SLC25A13: variants seen among roughly 807,000 people sequenced by gnomAD.
SLC25A13 encodes the protein solute carrier family 25 member 13, also known as electrogenic aspartate/glutamate antiporter SLC25A13, mitochondrial.
In SLC25A13, 70 loss-of-function variants were observed where a neutral mutation model predicts 85.5. That is an observed-to-expected ratio of 0.82 (90% CI 0.68 to 1.00). SLC25A13 has a LOEUF of 1.00. Ranked by LOEUF, SLC25A13 falls within the 50% of genes least tolerant of loss-of-function variation. The pLI is 0.00. For synonymous variants in SLC25A13, 259 were observed against 288.7 expected (o/e 0.90, Z 1.04); for missense variants, 765 against 819.8 (o/e 0.93, Z 0.82).
At chr7:96,307,074 G>C (rs183292903) in intron 1 of SLC25A13, among the ~76,000 whole-genome samples, 252 of 152,044 alleles carry the variant, frequency 1.7e-3, no homozygotes, top group Non-Finnish European at 3.0e-3. Flanking sequence ...TGGGGTGAGG[G>C]GGTTAGCCCT....
chr7:96,141,866 C>T (rs76703634), intron 14 of SLC25A13, among the ~76,000 whole-genome samples: 167 of 152,304 alleles, frequency 1.1e-3, no homozygotes, highest in Middle Eastern at 0.01. Context: ...TGTCCTTTGA[C>T]CTAACAACTT....
chr7:96,190,731 G>A (rs188762229), intron 7 of SLC25A13, among the ~76,000 whole-genome samples: 1 of 152,174 alleles, frequency 6.6e-6, no homozygotes, highest in East Asian at 1.9e-4. Context: ...TTCTGCCTCA[G>A]CCTCCCAAGT....
At chr7:96,294,839 T>A (rs1310153760) in intron 2 of SLC25A13, among the ~76,000 whole-genome samples, 1 of 152,128 alleles carries the variant, frequency 6.6e-6, no homozygotes, top group African/African-American at 2.4e-5. Context: ...TGATTTTTTA[T>A]GTATAATCTA....
At chr7:96,299,255 A>ACT (rs1488640203) in intron 1 of SLC25A13, among the ~76,000 whole-genome samples, 1 of 152,210 alleles carries the variant, frequency 6.6e-6, no homozygotes, top group Non-Finnish European at 1.5e-5. Context: ...GCTCCCCATC[A>ACT]GAACTACACC....
chr7:96,124,011 C>T (rs1039019476), intron 15 of SLC25A13, among the ~76,000 whole-genome samples: 1 of 152,194 alleles, frequency 6.6e-6, no homozygotes. Context: ...AGGAAAGGGA[C>T]TGGCAGGCTG....
At chr7:96,259,779 C>A (rs762503454) in intron 3 of SLC25A13, among the ~76,000 whole-genome samples, 3 of 152,150 alleles carry the variant, frequency 2.0e-5, no homozygotes, top group Non-Finnish European at 4.4e-5. Context: ...CAGTACTATT[C>A]ACAATAGCAG....
chr7:96,221,913 C>G (rs1796144270), intron 4 of SLC25A13, among the ~76,000 whole-genome samples: 1 of 152,190 alleles, frequency 6.6e-6, no homozygotes, highest in South Asian at 2.1e-4. Context: ...AATTAACTAA[C>G]TGAGGACTCG....
chr7:96,248,689 A>T (rs557147579), intron 3 of SLC25A13, among the ~76,000 whole-genome samples: 1 of 152,304 alleles, frequency 6.6e-6, no homozygotes, highest in East Asian at 1.9e-4. Flanking sequence ...CAGGAAAAAA[A>T]TTATTTGGTT....
chr7:96,200,226 T>C (rs1372470248), intron 5 of SLC25A13, among the ~76,000 whole-genome samples: 2 of 152,194 alleles, frequency 1.3e-5, no homozygotes, highest in East Asian at 3.8e-4. Flanking sequence ...GACATGGTAA[T>C]AGAAGAATTC....
At chr7:96,255,832 C>T (rs924511235) in intron 3 of SLC25A13, among the ~76,000 whole-genome samples, 8 of 152,132 alleles carry the variant, frequency 5.3e-5, no homozygotes, top group South Asian at 4.1e-4. Context: ...AAAGAAAGGT[C>T]GGATTACCCA....
At chr7:96,192,961 A>G in intron 6 of SLC25A13, 76 bp downstream of exon 6, 3 of 1,506,412 alleles carry the variant, frequency 2.0e-6, no homozygotes, top group South Asian at 1.1e-5. Context: ...AAAACACTAC[A>G]TAACTTATAA....
At chr7:96,146,192 T>C (rs1001287552) in intron 14 of SLC25A13, among the ~76,000 whole-genome samples, 1 of 152,174 alleles carries the variant, frequency 6.6e-6, no homozygotes, top group East Asian at 1.9e-4. Context: ...TCGGACCATA[T>C]GCATAGGATC....
intron 1 of SLC25A13, among the ~76,000 whole-genome samples, chr7:96,314,344 T>C (rs1554387745): frequency 6.6e-6 from 1 of 152,164 alleles, no homozygotes; most frequent in Non-Finnish European, 1.5e-5. Context: ...TGGTGACTTT[T>C]AGGAGAAGGA....
chr7:96,136,022 T>G (rs1792272115), intron 14 of SLC25A13, among the ~76,000 whole-genome samples: 1 of 152,082 alleles, frequency 6.6e-6, no homozygotes, highest in African/African-American at 2.4e-5. Flanking sequence ...AACTATTGGG[T>G]TTTTCTTTTT....
chr7:96,168,984 T>C (rs1334903242), intron 13 of SLC25A13, among the ~76,000 whole-genome samples: 2 of 152,186 alleles, frequency 1.3e-5, no homozygotes, highest in African/African-American at 4.8e-5. Context: ...TAAAGGCTCC[T>C]TTTTTTCCAT....
At chr7:96,192,463 T>G (rs4355700) in intron 6 of SLC25A13, among the ~76,000 whole-genome samples, 149,924 of 152,182 alleles carry the variant, frequency 0.99, 73,890 homozygotes, top group East Asian at 1. Context: ...CACGAGCAGG[T>G]CTTAAGAACC....
intron 13 of SLC25A13, among the ~76,000 whole-genome samples, chr7:96,149,543 C>A (rs1219125985): frequency 2.0e-5 from 3 of 152,152 alleles, no homozygotes; most frequent in African/African-American, 7.2e-5. Flanking sequence ...GAGGCAGATG[C>A]ACGGGGAAGA....
intron 14 of SLC25A13, among the ~76,000 whole-genome samples, chr7:96,133,127 A>G (rs1455939723): frequency 6.6e-6 from 1 of 152,224 alleles, no homozygotes; most frequent in Non-Finnish European, 1.5e-5. Context: ...CCTGCCAACC[A>G]GAACAAATGC....
chr7:96,288,128 A>G (rs1327597650), intron 2 of SLC25A13, among the ~76,000 whole-genome samples: 1 of 152,170 alleles, frequency 6.6e-6, no homozygotes, highest in Non-Finnish European at 1.5e-5. Context: ...TTTCCAACTT[A>G]GAAACTGTAT....
Sources: allele counts gnomAD v4.1 joint callset (sites outside exome capture counted in the v4.1 genomes callset), GRCh38; gene constraint gnomAD v4.1.1; transcripts MANE v1.5; gene names NCBI Gene and HGNC (gene_info 2026-07-23, HGNC 2026-07-21).